The following DNTTIP1 variants were observed in gnomAD, a reference collection of about 807,000 sequenced individuals.
DNTTIP1 encodes the protein deoxynucleotidyltransferase terminal-interacting protein 1.
In DNTTIP1, 22 loss-of-function variants were observed where a neutral mutation model predicts 52.9. The ratio of observed to expected loss-of-function variants is 0.42; its 90% CI spans 0.30 to 0.59. DNTTIP1 has a LOEUF of 0.59. DNTTIP1 is among the 20% of genes least tolerant of loss of function. The pLI is 0.22. For missense variants in DNTTIP1, 286 were observed against 435.5 expected (o/e 0.66, Z 3.06); for synonymous variants, 136 against 155.1 (o/e 0.88, Z 0.92).
chr20:45,792,462 C>T lies in DNTTIP1; in HGVS notation c.106-215C>T, dbSNP rs369158659. The T allele has an allele frequency of 1.8e-5, 9 of 500,630 alleles. No homozygotes were observed. The Admixed American group carries it at 1.9e-4, about 11-fold the overall frequency. 31.0% of individuals were successfully genotyped at this position (500,630 alleles called of 1,614,324 possible). Reference sequence around the variant, plus strand: ...TACTGCTTCCCTTCCTCCTGCCGTGCCAGAAGGCAGGGTCGGGACTTTTAA... The same window carrying T: ...TACTGCTTCCCTTCCTCCTGCCGTGTCAGAAGGCAGGGTCGGGACTTTTAA... On this transcript the variant is annotated intron_variant, in intron 1 of 12. Coordinates refer to ENST00000372622, the MANE Select transcript of DNTTIP1 (RefSeq NM_052951.3).
At chr20:45,800,773 C>A in intron 4 of DNTTIP1, among the ~76,000 whole-genome samples, 1 of 132,638 alleles carries the variant, frequency 7.5e-6, no homozygotes, top group Non-Finnish European at 1.6e-5. Context: ...GTGGGCCGAT[C>A]ACTTGAGGTC....
chr20:45,801,712 C>T (rs1981479587), intron 6 of DNTTIP1, among the ~76,000 whole-genome samples: 1 of 152,134 alleles, frequency 6.6e-6, no homozygotes, highest in Non-Finnish European at 1.5e-5. Flanking sequence ...CACCTGAGCC[C>T]AGGAGTTCAA....
At chr20:45,798,708 A>C (rs1178552479) in intron 4 of DNTTIP1, among the ~76,000 whole-genome samples, 1 of 151,994 alleles carries the variant, frequency 6.6e-6, no homozygotes, top group Non-Finnish European at 1.5e-5. Context: ...TTTTCTTCAG[A>C]TCTTAGTTTA....
Position 45,811,201 on chromosome 20 carries a change from G to C in DNTTIP1, c.*6G>C. 1 of 1,598,962 alleles carries C rather than the reference G, an allele frequency of 6.3e-7. No homozygotes were observed. The highest frequency in any genetic ancestry group is 8.5e-7 in the Non-Finnish European group (1 of 1,173,302). On this transcript the variant is annotated 3_prime_UTR_variant, in exon 13 of 13. Coordinates refer to ENST00000372622, the MANE Select transcript of DNTTIP1 (RefSeq NM_052951.3). The stretch of plus-strand genomic sequence containing the variant: ...AAGCACCTCCACAGACCTGAGGCCG[G>C]GTCCCCTGGCCACACTTGGCAGCCC...
intron 10 of DNTTIP1, among the ~76,000 whole-genome samples, chr20:45,808,509 G>T (rs777889329): frequency 7.9e-5 from 12 of 151,930 alleles, no homozygotes; most frequent in Admixed American, 7.2e-4. Flanking sequence ...GCGTGGTGGC[G>T]CATGCCTGTA....
chr20:45,796,757 C>A (rs1304517151), intron 4 of DNTTIP1, among the ~76,000 whole-genome samples: 31 of 152,192 alleles, frequency 2.0e-4, no homozygotes, highest in Admixed American at 2.0e-3. Flanking sequence ...TTCACTGGAA[C>A]CCCTCTTGTC....
chr20:45,794,139 TTTTTGTTTTG>T (rs778011252), intron 3 of DNTTIP1, 122 bp downstream of exon 3: 9 of 561,888 alleles, frequency 1.6e-5, no homozygotes, highest in Admixed American at 4.1e-5. Flanking sequence ...TTTCTTGTTG[TTTTTGTTTTG>T]TTTTGTTTTG....
chr20:45,794,800 A>ATT (rs1981178214), intron 3 of DNTTIP1, among the ~76,000 whole-genome samples: 16 of 147,998 alleles, frequency 1.1e-4, no homozygotes, highest in Admixed American at 1.0e-3. Context: ...AAAAAAAAAA[A>ATT]ATTTTTTTTT....
intron 8 of DNTTIP1, among the ~76,000 whole-genome samples, chr20:45,803,607 C>T (rs948823842): frequency 6.6e-6 from 1 of 152,174 alleles, no homozygotes; most frequent in African/African-American, 2.4e-5. Flanking sequence ...GAAGCCTTCT[C>T]CTTATAGGAG....
intron 2 of DNTTIP1, among the ~76,000 whole-genome samples, chr20:45,792,998 C>T (rs1317543463): frequency 1.3e-5 from 2 of 152,320 alleles, no homozygotes; most frequent in East Asian, 3.9e-4. Context: ...TAAGATCCCT[C>T]ACATTCACTG....
chr20:45,800,164 T>G (rs1057234759), intron 4 of DNTTIP1, among the ~76,000 whole-genome samples: 1 of 151,312 alleles, frequency 6.6e-6, no homozygotes, highest in Non-Finnish European at 1.5e-5. Context: ...CTGAGGAGTA[T>G]GTGTTATACT....
intron 3 of DNTTIP1, 112 bp downstream of exon 3, chr20:45,794,129 T>A: frequency 1.7e-6 from 1 of 581,188 alleles, no homozygotes; most frequent in South Asian, 3.8e-5. Context: ...AAAGTTTTCC[T>A]TTCTTGTTGT....
chr20:45,809,430 A>G lies in DNTTIP1; in HGVS notation c.795+245A>G, dbSNP rs903433842. On this transcript the variant is annotated intron_variant, in intron 11 of 12. Coordinates refer to ENST00000372622, the MANE Select transcript of DNTTIP1 (RefSeq NM_052951.3). The surrounding 1 kb of genome is among the most constrained non-coding windows in gnomAD (Gnocchi z 4.2). Reference sequence around the variant, plus strand: ...TTACCTCATGCCTCCAAGATCACATATTTGGATACTATTAGCTGTCCATAG... The same window carrying G: ...TTACCTCATGCCTCCAAGATCACATGTTTGGATACTATTAGCTGTCCATAG... 6.6e-6 allele frequency among the ~76,000 whole-genome samples: 1 copy of G among 152,170 alleles called. No homozygotes were observed. Among genetic ancestry groups the G allele is most frequent in the African/African-American group, 2.4e-5 (1 of 41,444 alleles).
chr20:45,811,060 A>G lies in DNTTIP1; in HGVS notation c.855A>G (p.Gly285=). ...CTCTCTTCAATGTCTGTTCCAGAGG[A>G]TGCCTGGATCTGAAGCTAGAGGAAT... The part of the protein sequence containing the change: ...RDLAASDDYR[G]CLDLKLEELK... The change falls in exon 13 of 13, where the codon GGA becomes GGG. Residue 285 remains glycine (G), a synonymous_variant. Transcript: ENST00000372622. The G allele has an allele frequency of 6.2e-7, 1 of 1,613,758 alleles. No individual in the cohort carries two copies. The highest frequency in any genetic ancestry group is 8.5e-7 in the Non-Finnish European group (1 of 1,179,766).
intron 1 of DNTTIP1, among the ~76,000 whole-genome samples, 194 bp downstream of exon 1, chr20:45,792,303 CCT>C (rs909387683): frequency 9.2e-5 from 14 of 152,232 alleles, no homozygotes; most frequent in African/African-American, 2.9e-4. Flanking sequence ...CTGTCAACCC[CCT>C]GAGTCCCAGG....
At chr20:45,801,956 G>A (rs1442922203) in intron 6 of DNTTIP1, 43 bp from the exon 7 acceptor site, 1 of 1,604,218 alleles carries the variant, frequency 6.2e-7, no homozygotes, top group South Asian at 1.1e-5. Context: ...GGTATGGGGA[G>A]TAACCACAGG....
intron 8 of DNTTIP1, 47 bp from the exon 9 acceptor site, chr20:45,805,099 C>T: frequency 1.3e-6 from 2 of 1,525,202 alleles, no homozygotes; most frequent in Non-Finnish European, 1.8e-6. Context: ...CTGTCCTACC[C>T]ATCAGATTAA....
intron 4 of DNTTIP1, among the ~76,000 whole-genome samples, chr20:45,798,951 T>A (rs941051959): frequency 2.6e-5 from 4 of 152,182 alleles, no homozygotes; most frequent in Non-Finnish European, 5.9e-5. Context: ...CAGACAGGTG[T>A]GAATTAGATT....
chr20:45,793,254 A>C (rs1981098443), intron 2 of DNTTIP1, among the ~76,000 whole-genome samples: 1 of 152,258 alleles, frequency 6.6e-6, no homozygotes, highest in Admixed American at 6.5e-5. Context: ...TTTCTGTATA[A>C]GTATTATATT....
Sources: allele counts gnomAD v4.1 joint callset (sites outside exome capture counted in the v4.1 genomes callset), GRCh38; gene constraint gnomAD v4.1.1; non-coding constraint Gnocchi (gnomAD v3.1); transcripts MANE v1.5; gene names NCBI Gene and HGNC (gene_info 2026-07-23, HGNC 2026-07-21).